Variants in GPR39 observed in about 807,000 individuals in gnomAD.
The protein encoded by GPR39 is zinc sensing receptor.
Under a neutral mutation model 18.4 loss-of-function variants are expected in GPR39, and 23 were observed. The ratio of observed to expected loss-of-function variants is 1.25; its 90% CI spans 0.90 to 1.77. The LOEUF (loss-of-function observed/expected upper bound fraction) is 1.77. GPR39 is among the 40% of genes most tolerant of loss of function. GPR39 has a pLI of 0.00. For synonymous variants in GPR39, 280 were observed against 257.9 expected (o/e 1.09, Z -0.82); for missense variants, 647 against 602.4 (o/e 1.07, Z -0.78).
At chr2:132,538,738 G>T (rs143093868) in intron 1 of GPR39, among the ~76,000 whole-genome samples, 2 of 152,172 alleles carry the variant, frequency 1.3e-5, no homozygotes, top group Non-Finnish European at 2.9e-5. Context: ...TGGAGCTGCT[G>T]GATTTGCTGC....
At chr2:132,625,366 G>T (rs77774046) in intron 1 of GPR39, among the ~76,000 whole-genome samples, 1,951 of 152,142 alleles carry the variant, frequency 0.013, 45 homozygotes, top group African/African-American at 0.044. Context: ...TGTTTTGTAG[G>T]AATACTTTAT....
intron 1 of GPR39, among the ~76,000 whole-genome samples, chr2:132,486,903 C>T (rs1360208555): frequency 6.6e-6 from 1 of 152,206 alleles, no homozygotes; most frequent in Non-Finnish European, 1.5e-5. Context: ...AAAGGCCTAA[C>T]TTTCAGCCTA....
chr2:132,548,973 G>T (rs891867062), intron 1 of GPR39, among the ~76,000 whole-genome samples: 1 of 152,214 alleles, frequency 6.6e-6, no homozygotes, highest in Non-Finnish European at 1.5e-5. Flanking sequence ...CACTGTCACA[G>T]ATACGTGTGT....
chr2:132,471,052 A>ATTTCC (rs367902325), intron 1 of GPR39, among the ~76,000 whole-genome samples: 16 of 152,272 alleles, frequency 1.1e-4, no homozygotes, highest in African/African-American at 3.9e-4. Flanking sequence ...GCCTAGCAGG[A>ATTTCC]TTTCCTTACA....
At chr2:132,500,869 T>C (rs1679016860) in intron 1 of GPR39, among the ~76,000 whole-genome samples, 1 of 152,086 alleles carries the variant, frequency 6.6e-6, no homozygotes, top group African/African-American at 2.4e-5. Flanking sequence ...TGTGCATAAA[T>C]GTGTTCATAG....
At chr2:132,523,143 G>A (rs933578125) in intron 1 of GPR39, among the ~76,000 whole-genome samples, 2 of 152,144 alleles carry the variant, frequency 1.3e-5, no homozygotes, top group African/African-American at 4.8e-5. Flanking sequence ...CCTGTGGCCA[G>A]GAATTTCACA....
chr2:132,533,967 G>A (rs987072547), intron 1 of GPR39, among the ~76,000 whole-genome samples: 1 of 152,128 alleles, frequency 6.6e-6, no homozygotes, highest in Admixed American at 6.5e-5. Flanking sequence ...AAAAGCAATG[G>A]CAACAAAAGT....
intron 1 of GPR39, among the ~76,000 whole-genome samples, chr2:132,608,271 G>A (rs1681176900): frequency 6.6e-6 from 1 of 152,146 alleles, no homozygotes; most frequent in Non-Finnish European, 1.5e-5. Context: ...AGCAGTATTG[G>A]GGCATGTTGG....
rs1679912286 is a variant in GPR39 at position 132,416,973 on chromosome 2, T to C, written c.-70T>C. ...GCAGGTGAGTTTGCAGCCAAGAATT[T>C]TGGACGCTGCTGGGAGGAGAAAGGG... On this transcript the variant is annotated 5_prime_UTR_variant, in exon 1 of 2. Coordinates refer to ENST00000329321, the MANE Select transcript of GPR39 (RefSeq NM_001508.3). The C allele has an allele frequency of 1.3e-6, 2 of 1,551,536 alleles. No homozygotes were observed. Among genetic ancestry groups the C allele is most frequent in the Non-Finnish European group, 1.7e-6 (2 of 1,149,200 alleles).
intron 1 of GPR39, among the ~76,000 whole-genome samples, chr2:132,483,376 G>A (rs1000591370): frequency 2.6e-5 from 4 of 152,210 alleles, no homozygotes; most frequent in African/African-American, 9.6e-5. Flanking sequence ...AATCCATCTT[G>A]CTTCATCCAG....
At chr2:132,559,396 T>C (rs1680207391) in intron 1 of GPR39, among the ~76,000 whole-genome samples, 1 of 152,068 alleles carries the variant, frequency 6.6e-6, no homozygotes, top group African/African-American at 2.4e-5. Flanking sequence ...GGCGTGACTT[T>C]CCATGCGTAG....
At chr2:132,443,021 T>C (rs1680468480) in intron 1 of GPR39, among the ~76,000 whole-genome samples, 1 of 152,218 alleles carries the variant, frequency 6.6e-6, no homozygotes, top group Non-Finnish European at 1.5e-5. Flanking sequence ...ATATCTCTGA[T>C]ATAAATAGTT....
chr2:132,601,731 A>G (rs899358059), intron 1 of GPR39, among the ~76,000 whole-genome samples: 4 of 152,232 alleles, frequency 2.6e-5, no homozygotes, highest in African/African-American at 9.6e-5. Context: ...AAGTTGCAGG[A>G]TAAAAACATG....
intron 1 of GPR39, among the ~76,000 whole-genome samples, chr2:132,530,950 G>A (rs574595579): frequency 6.6e-6 from 1 of 152,246 alleles, no homozygotes. Flanking sequence ...ATCAACTAAC[G>A]AGCAAAATAA....
intron 1 of GPR39, among the ~76,000 whole-genome samples, chr2:132,449,275 T>G (rs1053486207): frequency 6.6e-6 from 1 of 150,498 alleles, no homozygotes; most frequent in Non-Finnish European, 1.5e-5. Flanking sequence ...TGAGACAGAG[T>G]CTCGCTCTGT....
chr2:132,436,802 A>T (rs965102278), intron 1 of GPR39, among the ~76,000 whole-genome samples: 5 of 152,200 alleles, frequency 3.3e-5, no homozygotes, highest in Non-Finnish European at 7.3e-5. Context: ...CTCAGTTTCC[A>T]TCAATCAAAT....
chr2:132,417,767 G>A lies in GPR39; in HGVS notation c.725G>A (p.Cys242Tyr), dbSNP rs758616293. The part of the protein sequence containing the change: ...LVVLLSVAFM[C>Y]WNMMQVLMKS... Reference sequence around the variant, plus strand: ...GTCCTGCTCTCCGTAGCCTTCATGTGCTGGAACATGATGCAGGTGCTCATG... The same window carrying A: ...GTCCTGCTCTCCGTAGCCTTCATGTACTGGAACATGATGCAGGTGCTCATG... Residue 242 changes from cysteine to tyrosine, a missense_variant, in exon 1 of 2, where the codon TGC becomes TAC. Physicochemically the swap from Cys to Tyr is radical, Grantham distance 194. Around this residue, in one of 3 missense-constraint regions of GPR39, gnomAD observed 581 missense variants for 506.8 expected, o/e 1.15. Coordinates refer to ENST00000329321, the MANE Select transcript of GPR39 (RefSeq NM_001508.3). The A allele has an allele frequency of 1.2e-6, 2 of 1,614,192 alleles. No individual in the cohort carries two copies. The highest frequency in any genetic ancestry group is 1.7e-5 in the Admixed American group (1 of 60,038).
intron 1 of GPR39, among the ~76,000 whole-genome samples, chr2:132,573,922 A>C (rs1470687147): frequency 6.6e-6 from 1 of 152,164 alleles, no homozygotes; most frequent in African/African-American, 2.4e-5. Flanking sequence ...CTAGATTTTA[A>C]CTCTTCCTTG....
chr2:132,474,171 CT>C (rs1345918712), intron 1 of GPR39, among the ~76,000 whole-genome samples: 1 of 152,162 alleles, frequency 6.6e-6, no homozygotes, highest in East Asian at 1.9e-4. Context: ...TGGGTTTTCT[CT>C]TTTCTCAAAG....
Sources: gnomAD v4.1 joint callset for allele counts (sites outside exome capture counted in the v4.1 genomes callset) on GRCh38, gnomAD v4.1.1 for gene constraint, gnomAD v4.1.1 regional missense constraint, MANE v1.5 for transcripts, NCBI Gene and HGNC (gene_info 2026-07-23, HGNC 2026-07-21) for gene names.